The following PHF20 variants were observed in gnomAD, a reference collection of about 807,000 sequenced individuals.
PHF20 encodes PHD finger protein 20.
In PHF20, 23 loss-of-function variants were observed where a neutral mutation model predicts 113.5. That is an observed-to-expected ratio of 0.20 (90% confidence interval 0.15 to 0.29). The LOEUF is 0.29. Ranked by LOEUF, PHF20 falls within the 10% of genes least tolerant of loss-of-function variation. The pLI is 1.00. For synonymous variants in PHF20, 434 were observed against 457.3 expected (o/e 0.95, Z 0.65); for missense variants, 943 against 1,219.6 (o/e 0.77, Z 3.38).
At position 35,903,796 on chromosome 20, in the gene PHF20, T is replaced by C. The variant is rs149186654; in HGVS notation, c.1561+4148T>C. On this transcript the variant is annotated intron_variant, in intron 10 of 17. Transcript: ENST00000374012. ...GGGGCTCAGTAGACATGTTCAGTGT[T>C]TATCACGTAGCTGGCTATCAATGAG... 5.3e-3 allele frequency among the ~76,000 whole-genome samples: 811 copies of C among 152,272 alleles called. 9 individuals carry two copies. Among genetic ancestry groups the C allele is most frequent in the African/African-American group, 0.019 (778 of 41,558 alleles).
At chr20:35,872,296 G>T (rs2054436413) in intron 9 of PHF20, among the ~76,000 whole-genome samples, 1 of 152,080 alleles carries the variant, frequency 6.6e-6, no homozygotes, top group Non-Finnish European at 1.5e-5. Context: ...GCCGAGGTGG[G>T]TGGATTGCCT....
At chr20:35,889,083 C>T (rs1264020260) in intron 9 of PHF20, among the ~76,000 whole-genome samples, 1 of 133,148 alleles carries the variant, frequency 7.5e-6, no homozygotes. Flanking sequence ...CTGGCACAAT[C>T]TTGGCTTACT....
At chr20:35,852,683 C>G (rs558118616) in intron 4 of PHF20, among the ~76,000 whole-genome samples, 2 of 151,582 alleles carry the variant, frequency 1.3e-5, no homozygotes, top group South Asian at 2.1e-4. Flanking sequence ...ACTGCAACCT[C>G]CGCCTCCTGG....
intron 12 of PHF20, among the ~76,000 whole-genome samples, chr20:35,916,976 C>T (rs1247357865): frequency 6.6e-6 from 1 of 152,112 alleles, no homozygotes; most frequent in African/African-American, 2.4e-5. Context: ...GTTGCCCAGG[C>T]TTGACTTGAA....
intron 9 of PHF20, among the ~76,000 whole-genome samples, chr20:35,898,311 A>G (rs73618539): frequency 0.011 from 1,609 of 152,372 alleles, 18 homozygotes; most frequent in East Asian, 0.04. Context: ...CTTAGGTTTC[A>G]TAGAGAGATA....
intron 15 of PHF20, among the ~76,000 whole-genome samples, chr20:35,937,554 G>A (rs192358992): frequency 1.3e-5 from 2 of 152,090 alleles, no homozygotes; most frequent in Non-Finnish European, 2.9e-5. Context: ...TGTAGATGAA[G>A]CCTCCAGGTA....
intron 13 of PHF20, among the ~76,000 whole-genome samples, chr20:35,924,516 C>CT (rs1389643066): frequency 6.6e-6 from 1 of 151,656 alleles, no homozygotes; most frequent in Non-Finnish European, 1.5e-5. Context: ...TTTTTAACAT[C>CT]TTTTTTCATT....
At chr20:35,781,716 A>G (rs1442961425) in intron 1 of PHF20, among the ~76,000 whole-genome samples, 1 of 152,130 alleles carries the variant, frequency 6.6e-6, no homozygotes, top group Non-Finnish European at 1.5e-5. Flanking sequence ...AGGCTGAGGC[A>G]GGTAGATCAC....
At chr20:35,864,509 G>A (rs2054280329) in intron 6 of PHF20, among the ~76,000 whole-genome samples, 1 of 151,258 alleles carries the variant, frequency 6.6e-6, no homozygotes, top group African/African-American at 2.4e-5. Context: ...ATTCCCTAAC[G>A]ATGTAGAGAA....
At chr20:35,911,763 A>G (rs950952242) in intron 10 of PHF20, among the ~76,000 whole-genome samples, 50 of 151,788 alleles carry the variant, frequency 3.3e-4, no homozygotes, top group African/African-American at 1.1e-3. Context: ...GATTCGAGCA[A>G]TTCTTCTGCC....
intron 2 of PHF20, among the ~76,000 whole-genome samples, chr20:35,828,409 T>C (rs1432348779): frequency 6.6e-6 from 1 of 152,118 alleles, no homozygotes; most frequent in Non-Finnish European, 1.5e-5. Context: ...TCTGTTTTTT[T>C]CTCCCCGGCC....
At chr20:35,903,021 CTTTTTTTTTTTTTTT>C (rs2055128296) in intron 10 of PHF20, among the ~76,000 whole-genome samples, 1 of 91,510 alleles carries the variant, frequency 1.1e-5, no homozygotes, top group Non-Finnish European at 2.4e-5. Flanking sequence ...TTTCTTTTTT[CTTTTTTTTTTTTTTT>C]GAGTGATTTT....
At chr20:35,825,575 T>C (rs1184443800) in intron 2 of PHF20, among the ~76,000 whole-genome samples, 2 of 152,158 alleles carry the variant, frequency 1.3e-5, no homozygotes, top group Non-Finnish European at 2.9e-5. Context: ...TTTTTTGATA[T>C]TAATTTTCCT....
intron 10 of PHF20, among the ~76,000 whole-genome samples, chr20:35,902,470 C>T (rs2055115723): frequency 6.6e-6 from 1 of 152,202 alleles, no homozygotes; most frequent in East Asian, 1.9e-4. Flanking sequence ...GCCTGACCAT[C>T]GTGGTGTGTG....
At chr20:35,881,414 G>A (rs945524480) in intron 9 of PHF20, among the ~76,000 whole-genome samples, 3 of 151,516 alleles carry the variant, frequency 2.0e-5, no homozygotes, top group South Asian at 2.1e-4. Context: ...GGTGGTGTGC[G>A]CCTGTAATCC....
At chr20:35,820,485 G>C (rs1466452401) in intron 2 of PHF20, among the ~76,000 whole-genome samples, 3 of 139,154 alleles carry the variant, frequency 2.2e-5, no homozygotes, top group Admixed American at 7.7e-5. Flanking sequence ...GTCTCACTCT[G>C]CCACCCAGGC....
intron 2 of PHF20, among the ~76,000 whole-genome samples, chr20:35,814,815 A>G (rs1168567202): frequency 4.2e-5 from 6 of 144,074 alleles, no homozygotes; most frequent in East Asian, 2.1e-4. Flanking sequence ...GGAGCTTGCA[A>G]TGAGCCGAGA....
At chr20:35,946,724 T>A (rs1171300034) in intron 17 of PHF20, among the ~76,000 whole-genome samples, 1 of 151,564 alleles carries the variant, frequency 6.6e-6, no homozygotes, top group African/African-American at 2.4e-5. Context: ...TTTATTTTAT[T>A]TTTTGAGATG....
intron 4 of PHF20, chr20:35,853,190 C>A (rs929872194): frequency 6.8e-6 from 1 of 146,128 alleles, no homozygotes; most frequent in Non-Finnish European, 1.5e-5. Context: ...CCACTGCACT[C>A]CAGCCTGGGC....
Sources: allele counts gnomAD v4.1 joint callset (sites outside exome capture counted in the v4.1 genomes callset), GRCh38; gene constraint gnomAD v4.1.1; transcripts MANE v1.5; gene names NCBI Gene and HGNC (gene_info 2026-07-23, HGNC 2026-07-21).